MYO3B: variants seen among roughly 807,000 people sequenced by gnomAD.
MYO3B encodes the protein myosin IIIB.
In MYO3B, 156 loss-of-function variants were observed where a neutral mutation model predicts 174.6. The ratio of observed to expected loss-of-function variants is 0.89; its 90% CI spans 0.78 to 1.02. The LOEUF (loss-of-function observed/expected upper bound fraction) is 1.02. Ranked by LOEUF, MYO3B falls within the 50% of genes least tolerant of loss-of-function variation. MYO3B has a pLI of 0.00. For synonymous variants in MYO3B, 563 were observed against 569.1 expected, an observed-to-expected ratio of 0.99 and a Z score of 0.15; for missense variants, 1,632 against 1,639.4, an observed-to-expected ratio of 1.00 and a Z score of 0.08.
At chr2:170,456,105 C>G (rs1445620401) in intron 23 of MYO3B, among the ~76,000 whole-genome samples, 2 of 151,966 alleles carry the variant, frequency 1.3e-5, no homozygotes, top group Non-Finnish European at 2.9e-5. Context: ...AAATGGTACA[C>G]AGATGGTTAT....
intron 32 of MYO3B, among the ~76,000 whole-genome samples, chr2:170,629,394 C>A (rs984960485): frequency 2.6e-5 from 4 of 152,148 alleles, no homozygotes; most frequent in Non-Finnish European, 5.9e-5. Flanking sequence ...CCATCCCAAG[C>A]ATCTATAAAC....
At chr2:170,399,574 A>G (rs540496716) in intron 16 of MYO3B, among the ~76,000 whole-genome samples, 1 of 152,182 alleles carries the variant, frequency 6.6e-6, no homozygotes, top group South Asian at 2.1e-4. Context: ...CTTTCAAAAT[A>G]TTTCCTGACT....
At chr2:170,222,982 A>G (rs376108294) in intron 6 of MYO3B, among the ~76,000 whole-genome samples, 1 of 152,048 alleles carries the variant, frequency 6.6e-6, no homozygotes, top group South Asian at 2.1e-4. Flanking sequence ...CACCACACAC[A>G]TAGACTGTCT....
chr2:170,216,164 T>C lies in MYO3B; in HGVS notation c.527-1155T>C, dbSNP rs1196660652. Reference sequence around the variant, plus strand: ...TAAACCCACAGATCCTTGGCAAATCTATGCTCATGTTTCAAAGGTGTGTCC... The same window carrying C: ...TAAACCCACAGATCCTTGGCAAATCCATGCTCATGTTTCAAAGGTGTGTCC... On this transcript the variant is annotated intron_variant, in intron 5 of 34. Coordinates refer to ENST00000408978, the MANE Select transcript of MYO3B (RefSeq NM_138995.5). Among the ~76,000 whole-genome samples, 3 of 152,240 alleles carry C rather than the reference T, an allele frequency of 2.0e-5. 1 individual carries two copies. Among genetic ancestry groups the C allele is most frequent in the East Asian group, 1.9e-4 (1 of 5,180 alleles).
At chr2:170,296,800 TAC>T (rs1414770488) in intron 7 of MYO3B, among the ~76,000 whole-genome samples, 26 of 152,232 alleles carry the variant, frequency 1.7e-4, no homozygotes, top group Admixed American at 1.5e-3. Context: ...TCAAAAAACT[TAC>T]AATCATGGTG....
At chr2:170,373,632 G>T (rs1193956993) in intron 9 of MYO3B, among the ~76,000 whole-genome samples, 1 of 152,124 alleles carries the variant, frequency 6.6e-6, no homozygotes, top group Non-Finnish European at 1.5e-5. Context: ...GATATATATA[G>T]AGAGGGAGAC....
In MYO3B at chr2:170,228,437, T is replaced by G. The variant is rs781676838; in HGVS notation, c.604-7554T>G. On this transcript the variant is annotated intron_variant, in intron 6 of 34. Transcript: ENST00000408978. ...AAGGACAGTGGGATTGCACTGGGTC[T>G]CCAAGCAAATGTGCTCCTTCACTTT... is the stretch of plus-strand genomic sequence containing the variant. Among the ~76,000 whole-genome samples the G allele has an allele frequency of 1.3e-4, 20 of 152,312 alleles. 1 individual carries two copies. The highest frequency in any genetic ancestry group is 3.4e-3 in the Middle Eastern group (1 of 294).
At chr2:170,312,073 G>T (rs969534599) in intron 7 of MYO3B, among the ~76,000 whole-genome samples, 2 of 152,100 alleles carry the variant, frequency 1.3e-5, no homozygotes, top group Non-Finnish European at 2.9e-5. Context: ...CTTTTCGCAC[G>T]GGGTAACTTT....
intron 7 of MYO3B, among the ~76,000 whole-genome samples, chr2:170,239,277 G>A (rs144087220): frequency 1.8e-3 from 274 of 152,306 alleles, no homozygotes; most frequent in African/African-American, 6.3e-3. Context: ...AAAGAGATCC[G>A]TTTCATAGAT....
chr2:170,471,729 C>T (rs1366290433), intron 25 of MYO3B, among the ~76,000 whole-genome samples: 1 of 152,108 alleles, frequency 6.6e-6, no homozygotes, highest in Non-Finnish European at 1.5e-5. Flanking sequence ...CAGTGGCTCA[C>T]ACCTGTAATC....
intron 8 of MYO3B, among the ~76,000 whole-genome samples, chr2:170,351,622 TGG>T: frequency 6.6e-6 from 1 of 151,808 alleles, no homozygotes; most frequent in East Asian, 2.0e-4. Context: ...AATAGGAGGG[TGG>T]GCAAAGGGGA....
At chr2:170,478,528 C>T (rs1351258392) in intron 25 of MYO3B, among the ~76,000 whole-genome samples, 1 of 70,224 alleles carries the variant, frequency 1.4e-5, no homozygotes, top group Admixed American at 1.8e-4. Flanking sequence ...ATTGTACACA[C>T]ACACACACAC....
At chr2:170,375,882 G>C (rs2094289036) in intron 9 of MYO3B, among the ~76,000 whole-genome samples, 1 of 152,234 alleles carries the variant, frequency 6.6e-6, no homozygotes, top group Admixed American at 6.5e-5. Context: ...CCTAACAGAA[G>C]AAATAAATCT....
chr2:170,481,383 G>T (rs901197619), intron 25 of MYO3B, among the ~76,000 whole-genome samples: 2 of 152,076 alleles, frequency 1.3e-5, no homozygotes, highest in African/African-American at 4.8e-5. Context: ...CCAGTCATTC[G>T]AGACCTGCCT....
At chr2:170,546,911 G>A (rs1376732236) in intron 32 of MYO3B, among the ~76,000 whole-genome samples, 2 of 152,172 alleles carry the variant, frequency 1.3e-5, no homozygotes, top group African/African-American at 2.4e-5. Context: ...CTGGTGAGGT[G>A]AGAGTGAGAG....
chr2:170,211,479 C>T (rs1048288940), intron 3 of MYO3B, among the ~76,000 whole-genome samples: 4 of 152,186 alleles, frequency 2.6e-5, no homozygotes, highest in African/African-American at 9.7e-5. Context: ...ACAAGCCTCA[C>T]TTAAGGTTAT....
chr2:170,612,351 T>C (rs960740987), intron 32 of MYO3B, among the ~76,000 whole-genome samples: 3 of 152,248 alleles, frequency 2.0e-5, no homozygotes, highest in African/African-American at 7.2e-5. Context: ...CAGGGCCTTA[T>C]GGACAGCAGG....
At chr2:170,602,075 T>C (rs1416639815) in intron 32 of MYO3B, 12 of 1,053,170 alleles carry the variant, frequency 1.1e-5, no homozygotes, top group African/African-American at 1.6e-5. Context: ...TTAGCAGACA[T>C]GGCCTTCCAC....
intron 22 of MYO3B, among the ~76,000 whole-genome samples, chr2:170,418,810 TAAA>T (rs5836277): frequency 6.8e-6 from 1 of 146,294 alleles, no homozygotes. Flanking sequence ...GCAATTACTT[TAAA>T]AAAAAAAAAA....
Sources: allele counts gnomAD v4.1 joint callset (sites outside exome capture counted in the v4.1 genomes callset), GRCh38; gene constraint gnomAD v4.1.1; transcripts MANE v1.5; gene names NCBI Gene and HGNC (gene_info 2026-07-23, HGNC 2026-07-21).